EPB41L4A: variants seen among roughly 807,000 people sequenced by gnomAD.
EPB41L4A encodes band 4.1-like protein 4A.
A neutral mutation model predicts 108.6 loss-of-function variants in EPB41L4A; 100 were observed. That is an observed-to-expected ratio of 0.92 (90% CI 0.78 to 1.09). The LOEUF is 1.09. Among genes scored for constraint, EPB41L4A ranks in the 50% least tolerant of loss-of-function variants. The pLI, the probability that EPB41L4A is intolerant of heterozygous loss-of-function variation, is 0.00. For synonymous variants in EPB41L4A, 319 were observed against 289.0 expected (o/e 1.10, Z -1.05); for missense variants, 1,030 against 842.7 (o/e 1.22, Z -2.75).
chr5:112,370,642 C>T (rs961590265), intron 1 of EPB41L4A, among the ~76,000 whole-genome samples: 7 of 152,314 alleles, frequency 4.6e-5, no homozygotes, highest in African/African-American at 7.2e-5. Context: ...AGGCCGGACA[C>T]GGTGGCTCAT....
intron 18 of EPB41L4A, 108 bp downstream of exon 18, chr5:112,183,908 A>T (rs1288716947): frequency 7.5e-7 from 1 of 1,325,826 alleles, no homozygotes; most frequent in Non-Finnish European, 1.0e-6. Flanking sequence ...TGACAAATAA[A>T]CAATGAAATA....
chr5:112,231,983 C>T (rs568483065), intron 12 of EPB41L4A, among the ~76,000 whole-genome samples: 6 of 151,772 alleles, frequency 4.0e-5, no homozygotes, highest in African/African-American at 1.2e-4. Context: ...GGCGTGGTGG[C>T]GTATGCCTGT....
chr5:112,240,662 A>G, intron 10 of EPB41L4A, 57 bp downstream of exon 10: 1 of 975,790 alleles, frequency 1.0e-6, no homozygotes, highest in Non-Finnish European at 1.5e-6. Context: ...CTTTTTATAA[A>G]AATAAATGCC....
At chr5:112,250,891 G>A (rs1750611952) in intron 9 of EPB41L4A, 1 of 152,150 alleles carries the variant, frequency 6.6e-6, no homozygotes, top group East Asian at 1.9e-4. Context: ...CTTTGCACTA[G>A]GTGCTTGTAA....
intron 11 of EPB41L4A, 69 bp from the exon 12 acceptor site, chr5:112,234,824 T>G: frequency 6.6e-7 from 1 of 1,509,200 alleles, no homozygotes; most frequent in South Asian, 1.3e-5. Context: ...AACAGGTCAT[T>G]CAGAACATCT....
chr5:112,157,693 T>G (rs1488650885), downstream of EPB41L4A, among the ~76,000 whole-genome samples: 1 of 152,192 alleles, frequency 6.6e-6, no homozygotes, highest in Non-Finnish European at 1.5e-5. Flanking sequence ...GCTACCTTCT[T>G]CCATTTTTAT....
exon 14 of EPB41L4A, chr5:112,143,485 A>G (rs143581834): frequency 6.5e-6 from 1 of 154,234 alleles, no homozygotes; most frequent in African/African-American, 2.4e-5. Context: ...TCAGGATATA[A>G]ATGACAAATA....
chr5:112,285,267 A>G (rs886308338), intron 2 of EPB41L4A, among the ~76,000 whole-genome samples: 2 of 152,182 alleles, frequency 1.3e-5, no homozygotes, highest in African/African-American at 4.8e-5. Context: ...ATATAGCAAA[A>G]CAACCTCTTG....
intron 1 of EPB41L4A, among the ~76,000 whole-genome samples, chr5:112,408,502 G>A (rs1343483875): frequency 5.9e-5 from 9 of 151,690 alleles, no homozygotes; most frequent in Non-Finnish European, 8.8e-5. Flanking sequence ...TACTCAAAAA[G>A]ACAAATCAGT....
At chr5:112,352,224 T>C (rs1758088889) in intron 1 of EPB41L4A, among the ~76,000 whole-genome samples, 1 of 152,232 alleles carries the variant, frequency 6.6e-6, no homozygotes, top group Non-Finnish European at 1.5e-5. Context: ...TTAGGTTATA[T>C]GAAATATTTC....
intron 4 of EPB41L4A, chr5:112,275,119 A>G (rs905797532): frequency 2.0e-6 from 1 of 494,320 alleles, no homozygotes; most frequent in Non-Finnish European, 3.4e-6. Context: ...CATGTCACCC[A>G]GGTTCACGCC....
At chr5:112,239,388 A>C (rs778704732) in intron 11 of EPB41L4A, among the ~76,000 whole-genome samples, 3 of 152,228 alleles carry the variant, frequency 2.0e-5, no homozygotes, top group Non-Finnish European at 2.9e-5. Flanking sequence ...ATTAAAAATA[A>C]GTGATAACTG....
At chr5:112,265,430 G>C (rs188827290) in intron 5 of EPB41L4A, among the ~76,000 whole-genome samples, 1 of 152,140 alleles carries the variant, frequency 6.6e-6, no homozygotes, top group East Asian at 1.9e-4. Flanking sequence ...ACCTTTGCCT[G>C]AAATAATGAT....
At chr5:112,228,048 T>C (rs1409046561) in intron 12 of EPB41L4A, among the ~76,000 whole-genome samples, 2 of 152,178 alleles carry the variant, frequency 1.3e-5, no homozygotes, top group African/African-American at 4.8e-5. Flanking sequence ...TTGCTGAGGA[T>C]GCTGCAGAAA....
chr5:112,146,670 T>TA (rs1364204185), intron 12 of EPB41L4A, among the ~76,000 whole-genome samples: 9 of 151,718 alleles, frequency 5.9e-5, no homozygotes, highest in South Asian at 2.1e-4. Context: ...ATACCTGACT[T>TA]AAAAAAAAAT....
chr5:112,228,715 G>A (rs1748650824), intron 12 of EPB41L4A: 1 of 985,306 alleles, frequency 1.0e-6, no homozygotes, highest in Non-Finnish European at 1.2e-6. Flanking sequence ...TGTGTGAGTT[G>A]CCAAGAACTT....
intron 1 of EPB41L4A, among the ~76,000 whole-genome samples, chr5:112,380,998 G>T (rs1760142620): frequency 1.3e-5 from 2 of 152,132 alleles, no homozygotes; most frequent in African/African-American, 4.8e-5. Flanking sequence ...GGCCAGATGT[G>T]TTCCAATTCA....
chr5:112,265,776 C>T (rs115857582), intron 5 of EPB41L4A, among the ~76,000 whole-genome samples: 292 of 152,300 alleles, frequency 1.9e-3, no homozygotes, highest in African/African-American at 6.8e-3. Flanking sequence ...ACACAGCCAC[C>T]GTATTAACAT....
At chr5:112,260,853 G>C (rs759177628) in intron 7 of EPB41L4A, among the ~76,000 whole-genome samples, 1 of 152,106 alleles carries the variant, frequency 6.6e-6, no homozygotes, top group African/African-American at 2.4e-5. Context: ...ACATTTGGAG[G>C]AATACCTGCC....
Sources: allele counts gnomAD v4.1 joint callset (sites outside exome capture counted in the v4.1 genomes callset), GRCh38; gene constraint gnomAD v4.1.1; transcripts MANE v1.5; gene names NCBI Gene and HGNC (gene_info 2026-07-23, HGNC 2026-07-21).